The following ZMYM6 variants were observed in gnomAD, a reference collection of about 807,000 sequenced individuals.
ZMYM6 encodes the protein zinc finger MYM-type containing 6.
A neutral mutation model predicts 134.0 loss-of-function variants in ZMYM6; 90 were observed. That is an observed-to-expected ratio of 0.67 (90% CI 0.57 to 0.80). The LOEUF (loss-of-function observed/expected upper bound fraction) is 0.80. Ranked by LOEUF, ZMYM6 falls within the 30% of genes least tolerant of loss-of-function variation. ZMYM6 has a pLI of 0.00. For synonymous variants in ZMYM6, 481 were observed against 524.1 expected, an observed-to-expected ratio of 0.92 and a Z score of 1.12; for missense variants, 1,362 against 1,533.9, an observed-to-expected ratio of 0.89 and a Z score of 1.87.
At chr1:35,009,699 G>A (rs61243817) in intron 10 of ZMYM6, among the ~76,000 whole-genome samples, 2,652 of 152,130 alleles carry the variant, frequency 0.017, 79 homozygotes, top group African/African-American at 0.06. Context: ...TTGGGAGGCC[G>A]AGGCAGGAGT....
intron 2 of ZMYM6, among the ~76,000 whole-genome samples, chr1:35,029,018 C>T (rs1237769249): frequency 6.6e-6 from 1 of 151,836 alleles, no homozygotes; most frequent in Admixed American, 6.6e-5. Flanking sequence ...TGGTGAAACC[C>T]CGTCTCTACT....
intron 4 of ZMYM6, chr1:35,017,813 A>T (rs1005037794): frequency 6.6e-6 from 1 of 152,206 alleles, no homozygotes; most frequent in Non-Finnish European, 1.5e-5. Flanking sequence ...CCTTATGCTA[A>T]AAAGTCACTG....
At position 34,988,898 on chromosome 1, in the gene ZMYM6, A is replaced by G. The variant is rs199592567; in HGVS notation, c.2184T>C (p.Leu728=). Residue 728 remains leucine, a synonymous_variant, in exon 16 of 16, where the codon CTT becomes CTC. Coordinates refer to ENST00000357182, the MANE Select transcript of ZMYM6 (RefSeq NM_007167.4). The stretch of plus-strand genomic sequence containing the variant: ...TTTTTTTCTTTGAAGGTGGAGAATC[A>G]AGTTCTGCATCATTTTTTTCATTAG... The part of the protein sequence containing the change: ...PMPNEKNDAE[L]DSPPSKKKRL... 2.6e-4 allele frequency: 416 copies of G among 1,612,514 alleles called. 4 individuals carry two copies. In the Middle Eastern group the frequency reaches 2.8e-3, roughly 11 times the overall value.
rs200609007 is a variant in ZMYM6, at chr1:35,015,192, A to C, written c.429-30T>G. On this transcript the variant is annotated intron_variant, in intron 4 of 15. Coordinates refer to ENST00000357182, the MANE Select transcript of ZMYM6 (RefSeq NM_007167.4). The stretch of plus-strand genomic sequence containing the variant: ...AAATAAATAACAAAGGTAAAAATGA[A>C]ATGTATTCTTCACAACTGTAACTTC... The C allele has an allele frequency of 1.6e-4, 251 of 1,551,438 alleles. 1 individual carries two copies. The African/African-American group carries it at 3.2e-3, about 20-fold the overall frequency.
intron 3 of ZMYM6, among the ~76,000 whole-genome samples, 154 bp from the exon 4 acceptor site, chr1:35,019,756 T>C (rs1641272115): frequency 6.6e-6 from 1 of 152,074 alleles, no homozygotes; most frequent in Non-Finnish European, 1.5e-5. Flanking sequence ...CACTGAAGCC[T>C]CAAACTCCCA....
At position 35,006,288 on chromosome 1, in the gene ZMYM6, G is replaced by A. The variant is rs116421564; in HGVS notation, c.1813+663C>T. Among the ~76,000 whole-genome samples, 231 of 152,292 alleles carry A rather than the reference G, an allele frequency of 1.5e-3. 2 individuals carry two copies. Among genetic ancestry groups the A allele is most frequent in the African/African-American group, 5.4e-3 (225 of 41,552 alleles). On this transcript the variant is annotated intron_variant, in intron 12 of 15. Transcript: ENST00000357182. ...CTTCCAAAGTGCTGGGATTACAGGTGCGAGCTACTGCACCTGGCTACCAAA... is the reference window on the plus strand; with the variant it reads ...CTTCCAAAGTGCTGGGATTACAGGTACGAGCTACTGCACCTGGCTACCAAA...
In ZMYM6 at chr1:34,987,250, A is replaced by C; in HGVS notation, c.3832T>G (p.Phe1278Val). Residue 1278 changes from phenylalanine to valine, a missense_variant, in exon 16 of 16, where the codon TTT becomes GTT. Physicochemically the swap from Phe to Val is conservative, Grantham distance 50. This residue lies in a region of ZMYM6 where 824 missense variants were observed against 940.9 expected (regional missense o/e 0.88). Transcript: ENST00000357182. ...GCATCACATAAATAAACAGTTGAAAAGGGTAATAAAAATTTCATTGCCCTT... is the reference window on the plus strand; with the variant it reads ...GCATCACATAAATAAACAGTTGAAACGGGTAATAAAAATTTCATTGCCCTT... ...HERAMKFLLP[F>V]STVYLCDAAF... The C allele has an allele frequency of 6.2e-7, 1 of 1,613,342 alleles. No homozygotes were observed. Among genetic ancestry groups the C allele is most frequent in the Non-Finnish European group, 8.5e-7 (1 of 1,179,828 alleles).
chr1:35,026,307 CA>C (rs1230181370), intron 2 of ZMYM6, among the ~76,000 whole-genome samples: 1 of 152,218 alleles, frequency 6.6e-6, no homozygotes. Context: ...AGGCACAAGC[CA>C]CCGCGCCTGG....
intron 2 of ZMYM6, among the ~76,000 whole-genome samples, chr1:35,023,312 G>A (rs979545261): frequency 3.3e-5 from 5 of 151,984 alleles, no homozygotes; most frequent in South Asian, 2.1e-4. Context: ...TCTCCATGTT[G>A]GTCAGGCTGG....
At position 35,011,568 on chromosome 1, in the gene ZMYM6, C is replaced by T. The variant is rs375582482; in HGVS notation, c.1062+322G>A. On this transcript the variant is annotated intron_variant, in intron 8 of 15. Transcript: ENST00000357182. ...AGAGGAAGGGGTATGTGAATCCCATCAGGCTACTGTTCTTCACCATACCAC... is the reference window on the plus strand; with the variant it reads ...AGAGGAAGGGGTATGTGAATCCCATTAGGCTACTGTTCTTCACCATACCAC... 2.0e-5 allele frequency among the ~76,000 whole-genome samples: 3 copies of T among 152,208 alleles called. No individual in the cohort carries two copies. In the South Asian group the frequency reaches 6.2e-4, roughly 32 times the overall value.
At chr1:35,006,677 C>T (rs2148450823) in intron 12 of ZMYM6, among the ~76,000 whole-genome samples, 1 of 152,262 alleles carries the variant, frequency 6.6e-6, no homozygotes, top group South Asian at 2.1e-4. Flanking sequence ...TGTACAGATA[C>T]ATTCAATCAA....
chr1:35,027,765 TAGA>T (rs1557591205), intron 2 of ZMYM6, among the ~76,000 whole-genome samples: 1 of 151,982 alleles, frequency 6.6e-6, no homozygotes, highest in Non-Finnish European at 1.5e-5. Flanking sequence ...TAATGAAATA[TAGA>T]AGAACATCAT....
rs774696904 is a variant in ZMYM6, at chr1:35,014,969, A to G, written c.603+19T>C. ...AATCTCTTTCAGCAGAATCCCAATA[A>G]AAGTAAAATGTAACTTACATCAGCA... On this transcript the variant is annotated intron_variant, in intron 5 of 15. Transcript: ENST00000357182. 7.5e-6 allele frequency: 12 copies of G among 1,610,284 alleles called. No individual in the cohort carries two copies. In the East Asian group the frequency reaches 1.1e-4, roughly 15 times the overall value.
At chr1:35,022,378 C>T (rs1025562786) in intron 2 of ZMYM6, among the ~76,000 whole-genome samples, 1 of 152,154 alleles carries the variant, frequency 6.6e-6, no homozygotes, top group Non-Finnish European at 1.5e-5. Context: ...TCAAGTGATC[C>T]TCAGCCTCCT....
chr1:35,025,872 C>T (rs551717423), intron 2 of ZMYM6, among the ~76,000 whole-genome samples: 1 of 152,142 alleles, frequency 6.6e-6, no homozygotes, highest in Admixed American at 6.5e-5. Flanking sequence ...GGAAGAGAAA[C>T]AGTACTTAAC....
chr1:34,987,720 G>A lies in ZMYM6; in HGVS notation c.3362C>T (p.Ser1121Leu), dbSNP rs766000265. 1.9e-5 allele frequency: 29 copies of A among 1,551,004 alleles called. No individual in the cohort carries two copies. The highest frequency in any genetic ancestry group is 2.2e-5 in the Non-Finnish European group (25 of 1,146,808). ...ACTTAAATTTAATTCATTTATAAGT[G>A]AAAATATATCTGATAAGTAGGCCAG... ...GKLAYLSDIF[S>L]LINELNLSLQ... Residue 1121 changes from serine to leucine, a missense_variant, in exon 16 of 16, where the codon TCA becomes TTA. Coordinates refer to ENST00000357182, the MANE Select transcript of ZMYM6 (RefSeq NM_007167.4).
At chr1:35,024,668 A>C (rs1641374285) in intron 2 of ZMYM6, among the ~76,000 whole-genome samples, 1 of 152,000 alleles carries the variant, frequency 6.6e-6, no homozygotes, top group African/African-American at 2.4e-5. Flanking sequence ...TATTAAACAC[A>C]CCACATTCTC....
chr1:35,012,754 T>A (rs1426578223), intron 6 of ZMYM6, 173 bp from the exon 7 acceptor site: 8 of 985,152 alleles, frequency 8.1e-6, no homozygotes, highest in Non-Finnish European at 8.4e-6. Flanking sequence ...CAGACAACAA[T>A]AAAATAGAAA....
At chr1:35,008,007 T>C (rs934175791) in intron 11 of ZMYM6, among the ~76,000 whole-genome samples, 1 of 152,210 alleles carries the variant, frequency 6.6e-6, no homozygotes, top group Non-Finnish European at 1.5e-5. Flanking sequence ...TAGACATCCT[T>C]TGTCTTAAGC....
Sources: gnomAD v4.1 joint callset for allele counts (sites outside exome capture counted in the v4.1 genomes callset) on GRCh38, gnomAD v4.1.1 for gene constraint, gnomAD v4.1.1 regional missense constraint, MANE v1.5 for transcripts, NCBI Gene and HGNC (gene_info 2026-07-23, HGNC 2026-07-21) for gene names.